CIMIP7: variants seen among roughly 807,000 people sequenced by gnomAD.
The protein encoded by CIMIP7 is uncharacterized protein C3orf84.
At chr3:49,190,014 C>A in the CIMIP7 span, 1 of 1,607,372 alleles carries the variant, frequency 6.2e-7, no homozygotes, top group South Asian at 1.1e-5. Context: ...GCCTTCAGGT[C>A]TGCCTTGTAC....
the CIMIP7 span, chr3:49,177,878 G>C: frequency 6.2e-7 from 1 of 1,613,858 alleles, no homozygotes. Flanking sequence ...ATGAGGTGCT[G>C]GGGGAGGCCA....
At chr3:49,178,527 C>T in the CIMIP7 span, 1 of 1,613,562 alleles carries the variant, frequency 6.2e-7, no homozygotes, top group Non-Finnish European at 8.5e-7. Flanking sequence ...AGAAGTGTCG[C>T]TGCGCCGGCT....
chr3:49,184,905 A>G, the CIMIP7 span, among the ~76,000 whole-genome samples: 1 of 151,986 alleles, frequency 6.6e-6, no homozygotes, highest in Non-Finnish European at 1.5e-5. Context: ...CTGGGATTAC[A>G]GGCGTGAGCC....
chr3:49,178,594 C>T, the CIMIP7 span: 1 of 1,485,654 alleles, frequency 6.7e-7, no homozygotes, highest in Non-Finnish European at 9.3e-7. Context: ...ATTTACCCAC[C>T]CTTACCTGGA....
At chr3:49,191,474 A>G in the CIMIP7 span, among the ~76,000 whole-genome samples, 1 of 152,166 alleles carries the variant, frequency 6.6e-6, no homozygotes, top group Non-Finnish European at 1.5e-5. Flanking sequence ...AGGCTCAAAC[A>G]ATTAACTAGG....
chr3:49,177,708 C>T, the CIMIP7 span: 105 of 1,610,258 alleles, frequency 6.5e-5, no homozygotes, highest in Non-Finnish European at 8.3e-5. Flanking sequence ...AGTGCTGCAG[C>T]AGCTTGGGTC....
chr3:49,181,343 GAA>G, the CIMIP7 span, among the ~76,000 whole-genome samples: 92,946 of 126,454 alleles, frequency 0.74, 33,426 homozygotes, highest in East Asian at 0.97. Flanking sequence ...CTATCTCCAA[GAA>G]AAAAAAAAAA....
the CIMIP7 span, chr3:49,190,160 G>A: frequency 1.3e-6 from 2 of 1,543,644 alleles, no homozygotes; most frequent in African/African-American, 2.7e-5. Context: ...CAGGAATGAG[G>A]ATAAAACTCA....
chr3:49,178,077 C>G, the CIMIP7 span: 2 of 1,547,832 alleles, frequency 1.3e-6, no homozygotes, highest in South Asian at 2.4e-5. Context: ...GGGCCCTTGG[C>G]CCACATTCCT....
At chr3:49,189,980 A>G in the CIMIP7 span, 1 of 1,434,542 alleles carries the variant, frequency 7.0e-7, no homozygotes. Context: ...GGGAGAGGCA[A>G]GAACTGGTCT....
chr3:49,182,340 A>T, the CIMIP7 span, among the ~76,000 whole-genome samples: 1 of 152,194 alleles, frequency 6.6e-6, no homozygotes, highest in East Asian at 1.9e-4. Context: ...CCTGAGCTAG[A>T]CACAAAGGTT....
At chr3:49,186,489 C>T in the CIMIP7 span, among the ~76,000 whole-genome samples, 15 of 151,812 alleles carry the variant, frequency 9.9e-5, no homozygotes, top group African/African-American at 3.6e-4. Flanking sequence ...CTGCAACCTC[C>T]GCCTCCCGGG....
At chr3:49,178,335 G>A in the CIMIP7 span, 1 of 755,762 alleles carries the variant, frequency 1.3e-6, no homozygotes, top group Non-Finnish European at 2.2e-6. Flanking sequence ...TCCCAGAGGA[G>A]AAAGTTTGTG....
the CIMIP7 span, among the ~76,000 whole-genome samples, chr3:49,182,530 T>A: frequency 1.3e-5 from 2 of 152,348 alleles, no homozygotes; most frequent in South Asian, 4.1e-4. Flanking sequence ...CCCATTGGTG[T>A]ATTTACAATC....
the CIMIP7 span, among the ~76,000 whole-genome samples, chr3:49,188,963 TA>T: frequency 2.0e-5 from 3 of 150,502 alleles, no homozygotes; most frequent in African/African-American, 2.5e-5. Flanking sequence ...CATGCCCGGT[TA>T]TTTTTTTTTT....
the CIMIP7 span, among the ~76,000 whole-genome samples, chr3:49,179,109 C>G: frequency 6.6e-6 from 1 of 152,174 alleles, no homozygotes; most frequent in African/African-American, 2.4e-5. Flanking sequence ...ATAGCCTCCC[C>G]CAGCTCAGAC....
chr3:49,189,270 A>AT, the CIMIP7 span, among the ~76,000 whole-genome samples: 1,023 of 141,138 alleles, frequency 7.2e-3, 3 homozygotes, highest in East Asian at 0.011. Context: ...CACCTTGCCT[A>AT]TTTTTTTTTT....
the CIMIP7 span, among the ~76,000 whole-genome samples, chr3:49,191,141 G>A: frequency 2.0e-5 from 3 of 152,150 alleles, no homozygotes; most frequent in African/African-American, 7.2e-5. Context: ...GAGACGATGG[G>A]TGTGTCTGGC....
the CIMIP7 span, among the ~76,000 whole-genome samples, chr3:49,184,656 T>C: frequency 7.2e-6 from 1 of 139,508 alleles, no homozygotes; most frequent in East Asian, 2.2e-4. Context: ...TGAGATGGAG[T>C]CTTGCTCTCT....
Sources: gnomAD v4.1 joint callset for allele counts (sites outside exome capture counted in the v4.1 genomes callset) on GRCh38, gnomAD v4.1.1 for gene constraint, MANE v1.5 for transcripts, NCBI Gene and HGNC (gene_info 2026-07-23, HGNC 2026-07-21) for gene names.